C5orf22: variants seen among roughly 807,000 people sequenced by gnomAD.
The protein encoded by C5orf22 is UPF0489 protein C5orf22.
C5orf22 carries 36 observed loss-of-function variants against 48.7 expected under a neutral mutation model. The ratio of observed to expected loss-of-function variants is 0.74; its 90% CI spans 0.57 to 0.98. The LOEUF (loss-of-function observed/expected upper bound fraction) is 0.98. Among genes scored for constraint, C5orf22 ranks in the 50% least tolerant of loss-of-function variants. The pLI is 0.00. For missense variants in C5orf22, 486 were observed against 521.9 expected (o/e 0.93, Z 0.67); for synonymous variants, 141 against 180.8 (o/e 0.78, Z 1.76).
At chr5:31,548,035 T>G (rs978447491) in intron 7 of C5orf22, among the ~76,000 whole-genome samples, 2 of 152,170 alleles carry the variant, frequency 1.3e-5, no homozygotes, top group Admixed American at 6.5e-5. Context: ...GGCACAGTGG[T>G]TCACGCCTAT....
intron 7 of C5orf22, among the ~76,000 whole-genome samples, chr5:31,549,512 A>G (rs1019521008): frequency 6.6e-6 from 1 of 152,166 alleles, no homozygotes; most frequent in Admixed American, 6.6e-5. Flanking sequence ...TGCCCTGAAT[A>G]AACACTTCCA....
At chr5:31,540,480 G>A (rs1327813403) in intron 4 of C5orf22, among the ~76,000 whole-genome samples, 1 of 152,164 alleles carries the variant, frequency 6.6e-6, no homozygotes, top group African/African-American at 2.4e-5. Context: ...TTGTACTTCA[G>A]AGATCTCTTC....
At position 31,534,887 on chromosome 5, in the gene C5orf22, A is replaced by G. The variant is rs547109523; in HGVS notation, c.227+470A>G. The G allele has an allele frequency of 9.9e-4, 396 of 398,174 alleles. 5 individuals are homozygous for G. Among genetic ancestry groups the G allele is most frequent in the South Asian group, 6.9e-3 (373 of 54,176 alleles). 24.7% of individuals were successfully genotyped at this position (398,174 alleles called of 1,614,324 possible). A position where few individuals can be genotyped will look rare whatever the true frequency, so the allele number is the denominator to read the frequency against. On this transcript the variant is annotated intron_variant, in intron 2 of 8. Coordinates refer to ENST00000325366, the MANE Select transcript of C5orf22 (RefSeq NM_018356.3). ...AACCAGACCCCATCTCTTAAAAGAA[A>G]CAAACCAAAAAAACTTTGTTTACAA...
At chr5:31,538,865 A>G (rs142418342) in intron 4 of C5orf22, among the ~76,000 whole-genome samples, 176 bp downstream of exon 4, 230 of 152,314 alleles carry the variant, frequency 1.5e-3, no homozygotes, top group African/African-American at 5.3e-3. Flanking sequence ...TGTATATACC[A>G]TTCTTAACTT....
intron 3 of C5orf22, among the ~76,000 whole-genome samples, chr5:31,537,657 T>G (rs1445785978): frequency 1.3e-5 from 2 of 152,172 alleles, no homozygotes; most frequent in African/African-American, 4.8e-5. Context: ...TTAACAAAGC[T>G]CTAAAATATG....
At chr5:31,550,751 G>A (rs545007880) in intron 7 of C5orf22, among the ~76,000 whole-genome samples, 5 of 152,134 alleles carry the variant, frequency 3.3e-5, no homozygotes, top group African/African-American at 4.8e-5. Flanking sequence ...TAGTAGAGAC[G>A]GGGTTTCTCC....
At position 31,534,337 on chromosome 5, in the gene C5orf22, A is replaced by G. The variant is rs771353594; in HGVS notation, c.147A>G (p.Leu49=). Residue 49 remains leucine (L), a synonymous_variant, in exon 2 of 9, where the codon TTA becomes TTG. Transcript: ENST00000325366. The part of the protein sequence containing the change: ...KHLPASNVSF[L]HFDSHPDLLI... ...TTCCTGCCAGTAATGTAAGTTTTTT[A>G]CATTTCGACTCACATCCAGACCTCC... is the stretch of plus-strand genomic sequence containing the variant. 6.2e-7 allele frequency: 1 copy of G among 1,613,858 alleles called. No individual in the cohort carries two copies. The highest frequency in any genetic ancestry group is 1.7e-5 in the Admixed American group (1 of 60,018).
intron 6 of C5orf22, among the ~76,000 whole-genome samples, chr5:31,544,354 C>A (rs1055600850): frequency 1.3e-5 from 2 of 152,092 alleles, no homozygotes; most frequent in Non-Finnish European, 2.9e-5. Context: ...GAGGCCAAGG[C>A]GGGCGGATCA....
At chr5:31,534,523 T>G (rs1484680584) in intron 2 of C5orf22, 106 bp downstream of exon 2, 2 of 1,029,956 alleles carry the variant, frequency 1.9e-6, no homozygotes, top group Non-Finnish European at 2.8e-6. Flanking sequence ...GGTTTGGGGG[T>G]TTTTTGTTTG....
intron 2 of C5orf22, 131 bp from the exon 3 acceptor site, chr5:31,535,613 T>TG: frequency 1.7e-6 from 1 of 593,528 alleles, no homozygotes; most frequent in Non-Finnish European, 2.8e-6. Flanking sequence ...GTGATGTCCC[T>TG]GAAAAAGTCT....
intron 3 of C5orf22, 56 bp downstream of exon 3, chr5:31,535,949 G>A: frequency 6.5e-7 from 1 of 1,544,028 alleles, no homozygotes; most frequent in Non-Finnish European, 8.9e-7. Context: ...ATCTTATTTT[G>A]GATTCCTATA....
intron 3 of C5orf22, among the ~76,000 whole-genome samples, chr5:31,537,650 A>G (rs1337153982): frequency 2.6e-5 from 4 of 152,232 alleles, no homozygotes; most frequent in Admixed American, 1.3e-4. Context: ...ATAGAAATTA[A>G]CAAAGCTCTA....
intron 1 of C5orf22, 31 bp from the exon 2 acceptor site, chr5:31,534,241 A>T (rs1395296412): frequency 6.3e-7 from 1 of 1,589,090 alleles, no homozygotes; most frequent in South Asian, 1.2e-5. Context: ...TTTCAGTGTT[A>T]ATTCTTATTG....
At chr5:31,552,285 AG>A (rs1485647664) in intron 8 of C5orf22, among the ~76,000 whole-genome samples, 4 of 152,248 alleles carry the variant, frequency 2.6e-5, no homozygotes, top group African/African-American at 9.6e-5. Flanking sequence ...TTTTGGACCA[AG>A]CCATGGATCC....
intron 7 of C5orf22, among the ~76,000 whole-genome samples, chr5:31,547,553 ATCT>A (rs1193916847): frequency 3.9e-5 from 6 of 152,232 alleles, no homozygotes; most frequent in African/African-American, 1.2e-4. Flanking sequence ...GTTTCCATAC[ATCT>A]TCTGAAATCT....
At chr5:31,538,055 G>C (rs1742205339) in intron 3 of C5orf22, 5 of 501,324 alleles carry the variant, frequency 1.0e-5, no homozygotes, top group Non-Finnish European at 1.8e-5. Flanking sequence ...AAGGCAGACT[G>C]AAATGTAGTC....
At chr5:31,532,592 C>A in intron 1 of C5orf22, 119 bp downstream of exon 1, 1 of 807,204 alleles carries the variant, frequency 1.2e-6, no homozygotes, top group Non-Finnish European at 2.0e-6. Flanking sequence ...AGTTAAACTG[C>A]CCTATTCCGT....
chr5:31,542,121 C>T (rs1742503346), intron 6 of C5orf22, among the ~76,000 whole-genome samples: 1 of 151,994 alleles, frequency 6.6e-6, no homozygotes, highest in Non-Finnish European at 1.5e-5. Context: ...ACTAACCTAA[C>T]AACAGAAAAG....
intron 6 of C5orf22, among the ~76,000 whole-genome samples, chr5:31,545,433 A>G (rs528591583): frequency 2.0e-5 from 3 of 152,318 alleles, no homozygotes; most frequent in Non-Finnish European, 2.9e-5. Context: ...GCTCACTTTT[A>G]GTCTTTAACA....
Sources: gnomAD v4.1 joint callset for allele counts (sites outside exome capture counted in the v4.1 genomes callset) on GRCh38, gnomAD v4.1.1 for gene constraint, MANE v1.5 for transcripts, NCBI Gene and HGNC (gene_info 2026-07-23, HGNC 2026-07-21) for gene names.